Variants in DPY19L4 observed in about 807,000 individuals in gnomAD.
The protein encoded by DPY19L4 is probable C-mannosyltransferase DPY19L4.
In DPY19L4, 97 loss-of-function variants were observed where a neutral mutation model predicts 102.8. The ratio of observed to expected loss-of-function variants is 0.94; its 90% CI spans 0.80 to 1.12. The LOEUF (loss-of-function observed/expected upper bound fraction) is 1.12, where lower values mean the gene tolerates loss of function less well. DPY19L4 is among the 50% of genes most tolerant of loss of function. The pLI is 0.00. For synonymous variants in DPY19L4, 252 were observed against 283.1 expected (o/e 0.89, Z 1.10); for missense variants, 815 against 850.4 (o/e 0.96, Z 0.52).
Position 94,722,055 on chromosome 8 carries a change from G to C in DPY19L4, c.16+2041G>C, listed in dbSNP as rs192533868. On this transcript the variant is annotated intron_variant, in intron 1 of 18. Transcript: ENST00000414645. ...ACCCGGGAGGCGGAGGTTGCAGTGA[G>C]CCAAGATTGCACCATTGCACTCCAG... 6.3e-3 allele frequency among the ~76,000 whole-genome samples: 961 copies of C among 152,178 alleles called. 9 individuals are homozygous for C. The highest frequency in any genetic ancestry group is 7.2e-3 in the Non-Finnish European group (489 of 68,004).
Position 94,777,792 on chromosome 8 carries a change from T to A in DPY19L4, c.1575+6T>A, listed in dbSNP as rs1315092715. On this transcript the variant is annotated splice_donor_region_variant and intron_variant, in intron 14 of 18. Coordinates refer to ENST00000414645, the MANE Select transcript of DPY19L4 (RefSeq NM_181787.3). ...CTGTACACCCAATATTGTTGGTGAG[T>A]CATTATTTTGCATTGTTTCTCTTCT... 1 of 1,602,062 alleles carries A rather than the reference T, an allele frequency of 6.2e-7. No homozygotes were observed. The highest frequency in any genetic ancestry group is 2.2e-5 in the East Asian group (1 of 44,690).
intron 10 of DPY19L4, 22 bp downstream of exon 10, chr8:94,765,831 A>G (rs1173509380): frequency 7.3e-7 from 1 of 1,370,520 alleles, no homozygotes; most frequent in Non-Finnish European, 1.0e-6. Context: ...TCTGGGATTC[A>G]TATAGTAAAA....
chr8:94,793,611 A>T lies in DPY19L4; in HGVS notation c.*3701A>T, dbSNP rs2130964365. 1 of 152,326 alleles carries T rather than the reference A, an allele frequency of 6.6e-6. No individual in the cohort carries two copies. Among genetic ancestry groups the T allele is most frequent in the East Asian group, 1.9e-4 (1 of 5,196 alleles). 9.4% of individuals were successfully genotyped at this position (152,326 alleles called of 1,614,324 possible). ...TGTTGCTGTTTACTAATAGTTTTAGATCCCAATGTGTATTAGAATTATAGC... is the reference window on the plus strand; with the variant it reads ...TGTTGCTGTTTACTAATAGTTTTAGTTCCCAATGTGTATTAGAATTATAGC... On this transcript the variant is annotated 3_prime_UTR_variant, in exon 19 of 19. Transcript: ENST00000414645.
Position 94,768,376 on chromosome 8 carries a change from T to C in DPY19L4, c.1176-19T>C. On this transcript the variant is annotated intron_variant, in intron 11 of 18. Transcript: ENST00000414645. Reference sequence around the variant, plus strand: ...TAAAACGTCTATGAATTTAATATCATACTTTTTGTCTTCTATAGGAATTTT... The same window carrying C: ...TAAAACGTCTATGAATTTAATATCACACTTTTTGTCTTCTATAGGAATTTT... The C allele has an allele frequency of 6.3e-7, 1 of 1,576,452 alleles. No homozygotes were observed. The highest frequency in any genetic ancestry group is 8.6e-7 in the Non-Finnish European group (1 of 1,165,180).
intron 11 of DPY19L4, among the ~76,000 whole-genome samples, chr8:94,766,939 G>T (rs1470505279): frequency 2.6e-5 from 4 of 151,856 alleles, no homozygotes; most frequent in African/African-American, 7.3e-5. Flanking sequence ...GTGTGGTGGT[G>T]CATGCCTGTG....
chr8:94,790,737 CA>C lies in DPY19L4; in HGVS notation c.*828del, dbSNP rs545353253. 59 of 151,966 alleles carry C rather than the reference CA, an allele frequency of 3.9e-4. No individual in the cohort carries two copies. The highest frequency in any genetic ancestry group is 1.3e-3 in the African/African-American group (56 of 41,492). 9.4% of individuals were successfully genotyped at this position (151,966 alleles called of 1,614,324 possible). Reference sequence around the variant, plus strand: ...TGATATGGGGCATACAATCTATTCACATGTTTTCTACTGAAGTACTAAGTAA... The same window carrying C: ...TGATATGGGGCATACAATCTATTCACTGTTTTCTACTGAAGTACTAAGTAA... On this transcript the variant is annotated 3_prime_UTR_variant, in exon 19 of 19. Coordinates refer to ENST00000414645, the MANE Select transcript of DPY19L4 (RefSeq NM_181787.3).
intron 6 of DPY19L4, among the ~76,000 whole-genome samples, chr8:94,753,124 C>T (rs995392029): frequency 6.6e-6 from 1 of 151,768 alleles, no homozygotes; most frequent in African/African-American, 2.4e-5. Context: ...CAATGTTGGC[C>T]TCTGAATGGA....
chr8:94,726,465 T>C, intron 2 of DPY19L4, 24 bp downstream of exon 2: 1 of 1,551,576 alleles, frequency 6.4e-7, no homozygotes, highest in Non-Finnish European at 8.8e-7. Flanking sequence ...ACTTGGAATT[T>C]GTGCTACTAC....
intron 13 of DPY19L4, among the ~76,000 whole-genome samples, chr8:94,773,889 G>T (rs1454458388): frequency 2.3e-5 from 2 of 85,562 alleles, no homozygotes; most frequent in Non-Finnish European, 4.7e-5. Flanking sequence ...AAAAAAAAAA[G>T]CCAGGCATGG....
chr8:94,758,535 A>G (rs761106185), intron 7 of DPY19L4, among the ~76,000 whole-genome samples: 14 of 152,092 alleles, frequency 9.2e-5, no homozygotes, highest in Non-Finnish European at 1.6e-4. Flanking sequence ...CTGTAACCCA[A>G]ACCTCTGGCA....
At chr8:94,777,818 A>G (rs1406371841) in intron 14 of DPY19L4, 32 bp downstream of exon 14, 1 of 1,579,212 alleles carries the variant, frequency 6.3e-7, no homozygotes, top group East Asian at 2.3e-5. Context: ...TTTCTCTTCT[A>G]ATTATATAAA....
At chr8:94,769,164 C>T (rs949904770) in intron 12 of DPY19L4, among the ~76,000 whole-genome samples, 5 of 147,824 alleles carry the variant, frequency 3.4e-5, no homozygotes, top group African/African-American at 1.3e-4. Flanking sequence ...TGGGTTCAAG[C>T]GATTCTCCTA....
intron 17 of DPY19L4, 142 bp downstream of exon 17, chr8:94,783,944 C>A (rs1813543489): frequency 1.3e-5 from 13 of 978,858 alleles, no homozygotes; most frequent in South Asian, 2.0e-5. Flanking sequence ...TTTTAAAAAA[C>A]CTTTTTAATT....
At chr8:94,779,182 A>G (rs531552756) in intron 14 of DPY19L4, among the ~76,000 whole-genome samples, 2 of 150,396 alleles carry the variant, frequency 1.3e-5, no homozygotes, top group South Asian at 2.1e-4. Flanking sequence ...AGCATTTCAC[A>G]TGCTATTTAA....
intron 17 of DPY19L4, among the ~76,000 whole-genome samples, chr8:94,785,010 A>AT (rs1319409272): frequency 6.6e-6 from 1 of 152,178 alleles, no homozygotes; most frequent in Non-Finnish European, 1.5e-5. Context: ...ATTTTAGATA[A>AT]TTTCATAGAG....
intron 17 of DPY19L4, among the ~76,000 whole-genome samples, chr8:94,785,274 T>C (rs1031657318): frequency 6.6e-6 from 1 of 152,234 alleles, no homozygotes; most frequent in East Asian, 1.9e-4. Context: ...GTTATTATTC[T>C]GTACTATTAA....
At chr8:94,787,844 T>A (rs1813718139) in intron 17 of DPY19L4, 50 bp from the exon 18 acceptor site, 1 of 1,094,468 alleles carries the variant, frequency 9.1e-7, no homozygotes, top group Non-Finnish European at 1.2e-6. Context: ...GTCCTTTAAA[T>A]TTTATTTTAA....
At chr8:94,747,736 A>C in intron 6 of DPY19L4, among the ~76,000 whole-genome samples, 1 of 150,996 alleles carries the variant, frequency 6.6e-6, no homozygotes, top group Admixed American at 6.6e-5. Flanking sequence ...TTTTTTTTGT[A>C]TTTTTAGTAG....
intron 7 of DPY19L4, among the ~76,000 whole-genome samples, chr8:94,761,079 T>C (rs1812375689): frequency 6.6e-6 from 1 of 152,212 alleles, no homozygotes; most frequent in African/African-American, 2.4e-5. Flanking sequence ...AAATAAGTTC[T>C]GAACCCTGAT....
Sources: gnomAD v4.1 joint callset for allele counts (sites outside exome capture counted in the v4.1 genomes callset) on GRCh38, gnomAD v4.1.1 for gene constraint, MANE v1.5 for transcripts, NCBI Gene and HGNC (gene_info 2026-07-23, HGNC 2026-07-21) for gene names.